Variants in MDGA2 observed in about 807,000 individuals in gnomAD.
MDGA2 encodes the protein MAM domain containing glycosylphosphatidylinositol anchor 2.
A neutral mutation model predicts 117.8 loss-of-function variants in MDGA2; 40 were observed. The ratio of observed to expected loss-of-function variants is 0.34; its 90% confidence interval spans 0.26 to 0.44. MDGA2 has a LOEUF of 0.44. Among genes scored for constraint, MDGA2 ranks in the 20% least tolerant of loss-of-function variants. MDGA2 has a pLI of 1.00. For synonymous variants in MDGA2, 452 were observed against 439.0 expected (o/e 1.03, Z -0.37); for missense variants, 1,123 against 1,250.6 (o/e 0.90, Z 1.54).
chr14:47,509,226 G>A (rs1167994524), intron 1 of MDGA2, among the ~76,000 whole-genome samples: 1 of 152,186 alleles, frequency 6.6e-6, no homozygotes, highest in Non-Finnish European at 1.5e-5. Flanking sequence ...AAGATAGAAT[G>A]CTAGAAGCAC....
chr14:46,864,118 T>G (rs1341244607), intron 14 of MDGA2, among the ~76,000 whole-genome samples: 1 of 140,742 alleles, frequency 7.1e-6, no homozygotes, highest in Non-Finnish European at 1.5e-5. Flanking sequence ...ATTAATAGTG[T>G]TAAAACAGTC....
rs575367719 is a variant in MDGA2, at chr14:47,187,818, C to G, written c.595+30203G>C. Among the ~76,000 whole-genome samples the G allele has an allele frequency of 6.8e-4, 103 of 151,860 alleles. 2 individuals are homozygous for G. In the South Asian group the frequency reaches 0.02, roughly 30 times the overall value. On this transcript the variant is annotated intron_variant, in intron 3 of 16. Transcript: ENST00000399232. ...CTAGCAAAATTACAAGTAAATATAT[C>G]GGAAGGAAAATCAAAGTCAGGATGT...
chr14:47,301,531 A>C lies in MDGA2; in HGVS notation c.300T>G (p.Ile100Met). ...QGVYAPPTVR[I>M]VHSGLACNIE... The stretch of plus-strand genomic sequence containing the variant: ...TGTTACAGGCCAAGCCTGAGTGCAC[A>C]ATACGAACCGTGGGAGGAGCTGTCG... The change falls in exon 2 of 17, where the codon ATT becomes ATG. Residue 100 changes from isoleucine (I) to methionine (M), a missense_variant. Physicochemically the swap from Ile to Met is conservative, Grantham distance 10 (BLOSUM62 1). Around this residue, in one of 2 missense-constraint regions of MDGA2, gnomAD observed 233 missense variants for 200.3 expected, o/e 1.16. Coordinates refer to ENST00000399232, the MANE Select transcript of MDGA2 (RefSeq NM_001113498.3). 6.4e-7 allele frequency: 1 copy of C among 1,551,706 alleles called. No individual in the cohort carries two copies. The highest frequency in any genetic ancestry group is 8.7e-7 in the Non-Finnish European group (1 of 1,146,982).
At chr14:47,644,822 T>C (rs1036232368) in intron 1 of MDGA2, among the ~76,000 whole-genome samples, 1 of 152,114 alleles carries the variant, frequency 6.6e-6, no homozygotes, top group Non-Finnish European at 1.5e-5. Flanking sequence ...CTCCATAAAT[T>C]TATGCAATTA....
At chr14:46,912,822 A>G (rs1883756420) in intron 10 of MDGA2, among the ~76,000 whole-genome samples, 1 of 152,208 alleles carries the variant, frequency 6.6e-6, no homozygotes. Flanking sequence ...TCTCAAATTT[A>G]CCATTTATAT....
chr14:47,083,812 T>C (rs962850534), intron 6 of MDGA2, among the ~76,000 whole-genome samples: 2 of 151,608 alleles, frequency 1.3e-5, no homozygotes, highest in African/African-American at 2.4e-5. Flanking sequence ...GCAAAGAAAA[T>C]TGCCAGATTC....
At chr14:47,674,174 C>A (rs1173099432) in intron 1 of MDGA2, among the ~76,000 whole-genome samples, 1 of 152,086 alleles carries the variant, frequency 6.6e-6, no homozygotes, top group Admixed American at 6.5e-5. Flanking sequence ...AACCGTGACA[C>A]CGACACCGTG....
At chr14:47,008,682 C>T (rs1594521714) in intron 8 of MDGA2, among the ~76,000 whole-genome samples, 1 of 151,786 alleles carries the variant, frequency 6.6e-6, no homozygotes, top group Non-Finnish European at 1.5e-5. Context: ...TAAGCTATAA[C>T]GTCATTGTCT....
intron 1 of MDGA2, among the ~76,000 whole-genome samples, chr14:47,420,135 T>C (rs1892549822): frequency 6.6e-6 from 1 of 152,146 alleles, no homozygotes; most frequent in Admixed American, 6.5e-5. Context: ...ACAATGCATA[T>C]GGTAGCTTAA....
chr14:47,495,257 C>A (rs544683695), intron 1 of MDGA2, among the ~76,000 whole-genome samples: 1 of 151,704 alleles, frequency 6.6e-6, no homozygotes, highest in Non-Finnish European at 1.5e-5. Flanking sequence ...TAGACACTGG[C>A]GACTTCAAAA....
At chr14:47,483,321 C>A (rs1194056196) in intron 1 of MDGA2, among the ~76,000 whole-genome samples, 1 of 152,108 alleles carries the variant, frequency 6.6e-6, no homozygotes, top group African/African-American at 2.4e-5. Context: ...AACTTCCCTG[C>A]CTTTGTCAAG....
At chr14:47,213,703 G>A (rs775043179) in intron 3 of MDGA2, among the ~76,000 whole-genome samples, 2 of 152,012 alleles carry the variant, frequency 1.3e-5, no homozygotes, top group African/African-American at 2.4e-5. Flanking sequence ...TTCTCTGAAA[G>A]TCCCTTGTTT....
intron 8 of MDGA2, among the ~76,000 whole-genome samples, chr14:46,967,089 C>CA (rs1886065940): frequency 1.4e-5 from 2 of 142,088 alleles, no homozygotes; most frequent in Admixed American, 1.5e-4. Context: ...ATAGAACCTT[C>CA]AAATGAATAT....
At chr14:47,186,374 A>C (rs1884911365) in intron 3 of MDGA2, among the ~76,000 whole-genome samples, 1 of 151,780 alleles carries the variant, frequency 6.6e-6, no homozygotes, top group Non-Finnish European at 1.5e-5. Flanking sequence ...ACAAACTTGA[A>C]AAAAGAGTAG....
At chr14:47,478,409 C>G (rs1179270294) in intron 1 of MDGA2, among the ~76,000 whole-genome samples, 1 of 152,182 alleles carries the variant, frequency 6.6e-6, no homozygotes, top group East Asian at 1.9e-4. Context: ...CAGGATCTCT[C>G]TCTGTCACCC....
intron 10 of MDGA2, among the ~76,000 whole-genome samples, chr14:46,886,560 G>A (rs913454358): frequency 4.6e-5 from 7 of 152,118 alleles, no homozygotes; most frequent in Middle Eastern, 3.4e-3. Flanking sequence ...GCAGTTGTGA[G>A]GGGTAAAGAA....
intron 3 of MDGA2, among the ~76,000 whole-genome samples, chr14:47,175,928 A>G (rs1232435045): frequency 6.6e-6 from 1 of 152,150 alleles, no homozygotes. Flanking sequence ...AATCTCCTTA[A>G]GCTGATAAGC....
At chr14:47,147,751 T>C (rs1242214430) in intron 3 of MDGA2, among the ~76,000 whole-genome samples, 1 of 152,166 alleles carries the variant, frequency 6.6e-6, no homozygotes. Flanking sequence ...TGTGAAAAGC[T>C]ATTCCAAGAC....
At chr14:47,123,041 C>T (rs1881730785) in intron 5 of MDGA2, among the ~76,000 whole-genome samples, 1 of 151,814 alleles carries the variant, frequency 6.6e-6, no homozygotes, top group Admixed American at 6.6e-5. Flanking sequence ...CAATGAATAT[C>T]CTAGATGTTT....
Sources: allele counts gnomAD v4.1 joint callset (sites outside exome capture counted in the v4.1 genomes callset), GRCh38; gene constraint gnomAD v4.1.1; regional missense constraint gnomAD v4.1.1; transcripts MANE v1.5; gene names NCBI Gene and HGNC (gene_info 2026-07-23, HGNC 2026-07-21).